Variants in ATP6V1C2 observed in about 807,000 individuals in gnomAD.
ATP6V1C2 encodes V-type proton ATPase subunit C 2.
In ATP6V1C2, 45 loss-of-function variants were observed where a neutral mutation model predicts 56.8. The observed-to-expected ratio is 0.79, with a 90% CI of 0.62 to 1.02. The LOEUF (loss-of-function observed/expected upper bound fraction) is 1.02, where lower values mean the gene tolerates loss of function less well. Among genes scored for constraint, ATP6V1C2 ranks in the 50% least tolerant of loss-of-function variants. The pLI is 0.00. For synonymous variants in ATP6V1C2, 220 were observed against 201.3 expected (o/e 1.09, Z -0.79); for missense variants, 463 against 519.7 (o/e 0.89, Z 1.06).
chr2:10,732,449 G>A (rs563934067), intron 3 of ATP6V1C2, among the ~76,000 whole-genome samples: 2 of 151,952 alleles, frequency 1.3e-5, no homozygotes, highest in South Asian at 2.1e-4. Flanking sequence ...TAGTAGAGAC[G>A]GGGTTTCCCC....
chr2:10,742,649 G>A (rs1476123622), intron 3 of ATP6V1C2, among the ~76,000 whole-genome samples: 1 of 152,134 alleles, frequency 6.6e-6, no homozygotes, highest in Admixed American at 6.5e-5. Context: ...CGGAAGAAGA[G>A]GAGACAGATC....
chr2:10,722,893 A>C lies in ATP6V1C2; in HGVS notation c.44A>C (p.Asn15Thr), dbSNP rs1269705114. Residue 15 changes from asparagine (N) to threonine (T), a missense_variant, in exon 2 of 14, where the codon AAT (asparagine) becomes ACT (threonine). Coordinates refer to ENST00000272238, the MANE Select transcript of ATP6V1C2 (RefSeq NM_001039362.2). The part of the protein sequence containing the change: ...WLISAPGDKE[N>T]LQALERMNTV... Reference sequence around the variant, plus strand: ...ATTTCTGCCCCTGGCGATAAGGAAAATTTGCAAGCTCTGGAGAGGATGAAT... The same window carrying C: ...ATTTCTGCCCCTGGCGATAAGGAAACTTTGCAAGCTCTGGAGAGGATGAAT... The C allele has an allele frequency of 6.2e-7, 1 of 1,614,056 alleles. No homozygotes were observed. Among genetic ancestry groups the C allele is most frequent in the Non-Finnish European group, 8.5e-7 (1 of 1,180,008 alleles).
intron 3 of ATP6V1C2, among the ~76,000 whole-genome samples, chr2:10,733,533 TTCTC>T (rs564507726): frequency 2.7e-4 from 41 of 152,246 alleles, no homozygotes; most frequent in Admixed American, 1.2e-3. Flanking sequence ...TACGAGAGCT[TTCTC>T]TCTCTTTTTT....
chr2:10,734,246 C>T (rs942152090), intron 3 of ATP6V1C2, among the ~76,000 whole-genome samples: 24 of 152,110 alleles, frequency 1.6e-4, no homozygotes, highest in African/African-American at 5.5e-4. Context: ...TCCCATCTGC[C>T]CCTGCTGAGC....
chr2:10,779,643 G>A (rs1188579415), intron 12 of ATP6V1C2, among the ~76,000 whole-genome samples: 2 of 140,972 alleles, frequency 1.4e-5, no homozygotes, highest in African/African-American at 2.7e-5. Context: ...CCGAGATCGC[G>A]TCACTGCACT....
intron 3 of ATP6V1C2, among the ~76,000 whole-genome samples, chr2:10,741,506 AGT>A (rs1662548764): frequency 1.3e-5 from 2 of 152,098 alleles, no homozygotes; most frequent in Non-Finnish European, 1.5e-5. Context: ...TGGCTGCAGG[AGT>A]GAGGCTAGGG....
intron 4 of ATP6V1C2, 86 bp from the exon 5 acceptor site, chr2:10,764,245 G>A (rs904569373): frequency 2.5e-5 from 31 of 1,236,494 alleles, no homozygotes; most frequent in African/African-American, 1.8e-4. Context: ...TCGTGTCCAC[G>A]CTGATGCTTG....
intron 8 of ATP6V1C2, among the ~76,000 whole-genome samples, chr2:10,773,653 G>C (rs1263485932): frequency 6.6e-6 from 1 of 152,200 alleles, no homozygotes; most frequent in Non-Finnish European, 1.5e-5. Context: ...AAAGTGCTAG[G>C]ATTACACGTG....
intron 3 of ATP6V1C2, among the ~76,000 whole-genome samples, chr2:10,751,626 C>A (rs1663218833): frequency 6.6e-6 from 1 of 152,040 alleles, no homozygotes; most frequent in South Asian, 2.1e-4. Context: ...CTTTTGGAGT[C>A]CACATAACGA....
intron 3 of ATP6V1C2, among the ~76,000 whole-genome samples, chr2:10,731,543 T>G (rs1012037883): frequency 1.3e-5 from 2 of 152,190 alleles, no homozygotes; most frequent in African/African-American, 4.8e-5. Flanking sequence ...CAAATAATGC[T>G]AAACCTAAGA....
At chr2:10,735,519 C>T (rs1205018260) in intron 3 of ATP6V1C2, among the ~76,000 whole-genome samples, 1 of 152,016 alleles carries the variant, frequency 6.6e-6, no homozygotes, top group Non-Finnish European at 1.5e-5. Flanking sequence ...TATTTCTATG[C>T]ACAGCTTTGG....
intron 10 of ATP6V1C2, among the ~76,000 whole-genome samples, chr2:10,776,454 A>T (rs1414772836): frequency 6.6e-6 from 1 of 152,156 alleles, no homozygotes; most frequent in Non-Finnish European, 1.5e-5. Context: ...TGGATGCTCC[A>T]GTCTTCAGAG....
intron 2 of ATP6V1C2, among the ~76,000 whole-genome samples, chr2:10,725,184 T>A (rs1414611793): frequency 7.3e-5 from 11 of 151,528 alleles, no homozygotes. Flanking sequence ...GAGGTCGAAG[T>A]GGGAAGATCA....
At chr2:10,782,829 C>CAAAAAAAAAAAAAAAAAAAAAAAAA (rs60533807) in intron 13 of ATP6V1C2, among the ~76,000 whole-genome samples, 1 of 52,202 alleles carries the variant, frequency 1.9e-5, no homozygotes, top group African/African-American at 6.3e-5. Flanking sequence ...GACTCTGTCT[C>CAAAAAAAAAAAAAAAAAAAAAAAAA]AAAAAAAAAA....
intron 3 of ATP6V1C2, among the ~76,000 whole-genome samples, chr2:10,731,504 A>G (rs1179686533): frequency 1.3e-5 from 2 of 152,226 alleles, no homozygotes; most frequent in Non-Finnish European, 2.9e-5. Context: ...GAGAAGACAC[A>G]TATTAATAAA....
rs370859022 is a variant in ATP6V1C2, at chr2:10,782,388, A to G, written c.1194+13A>G. 1 of 1,613,304 alleles carries G rather than the reference A, an allele frequency of 6.2e-7. No individual in the cohort carries two copies. The highest frequency in any genetic ancestry group is 8.5e-7 in the Non-Finnish European group (1 of 1,179,778). ...AAGTATACTGGATGTAGGTATCCAG[A>G]AACAGCAGTATTTCTACAGTAAGCT... On this transcript the variant is annotated intron_variant, in intron 13 of 13. Coordinates refer to ENST00000272238, the MANE Select transcript of ATP6V1C2 (RefSeq NM_001039362.2).
At chr2:10,779,848 GAATA>G (rs1273855729) in intron 12 of ATP6V1C2, among the ~76,000 whole-genome samples, 1 of 152,106 alleles carries the variant, frequency 6.6e-6, no homozygotes, top group Non-Finnish European at 1.5e-5. Flanking sequence ...GTTTTTTTAT[GAATA>G]GATACGTAAT....
chr2:10,778,816 C>T (rs1365442843), intron 12 of ATP6V1C2, 147 bp downstream of exon 12: 15 of 724,404 alleles, frequency 2.1e-5, no homozygotes, highest in Admixed American at 1.1e-4. Context: ...CGCTCAATTC[C>T]GAGTCAAGTA....
At chr2:10,778,256 GCA>G (rs1374860670) in intron 11 of ATP6V1C2, among the ~76,000 whole-genome samples, 1 of 152,208 alleles carries the variant, frequency 6.6e-6, no homozygotes. Context: ...CTCCCTGGCT[GCA>G]CAGTGTCAGG....
Sources: gnomAD v4.1 joint callset for allele counts (sites outside exome capture counted in the v4.1 genomes callset) on GRCh38, gnomAD v4.1.1 for gene constraint, MANE v1.5 for transcripts, NCBI Gene and HGNC (gene_info 2026-07-23, HGNC 2026-07-21) for gene names.